The following COL4A5 variants were observed in gnomAD, a reference collection of about 807,000 sequenced individuals.
COL4A5 encodes the protein collagen alpha-5(IV) chain.
COL4A5 carries 26 observed loss-of-function variants against 130.2 expected under a neutral mutation model. The ratio of observed to expected loss-of-function variants is 0.20; its 90% CI spans 0.15 to 0.28. The LOEUF (loss-of-function observed/expected upper bound fraction) is 0.28. Among genes scored for constraint, COL4A5 ranks in the 10% least tolerant of loss-of-function variants. The probability of loss-of-function intolerance (pLI) is 1.00; values close to 1 mark genes in which losing one functional copy is unlikely to be tolerated. For synonymous variants in COL4A5, 496 were observed against 439.6 expected, an observed-to-expected ratio of 1.13 and a Z score of -1.60; for missense variants, 1,131 against 1,344.3, an observed-to-expected ratio of 0.84 and a Z score of 2.48.
chrX:108,624,194 A>G, intron 33 of COL4A5, 42 bp from the exon 34 acceptor site: 1 of 1,060,105 alleles, frequency 9.4e-7, no homozygotes, highest in Non-Finnish European at 1.3e-6. Flanking sequence ...TCATGGATGA[A>G]TAATATCATC....
chrX:108,662,235 G>A (rs1253939336), intron 37 of COL4A5, among the ~76,000 whole-genome samples: 2 of 109,467 alleles, frequency 1.8e-5, no homozygotes, highest in Non-Finnish European at 3.8e-5. Flanking sequence ...CATGTCCTTT[G>A]TAGGGACATG....
chrX:108,560,388 T>C (rs908294368), intron 3 of COL4A5, among the ~76,000 whole-genome samples: 2 of 112,755 alleles, frequency 1.8e-5, no homozygotes, highest in African/African-American at 6.4e-5. Flanking sequence ...AAGGGCTATA[T>C]GGTTAGCTAA....
At position 108,498,890 on chromosome X, in the gene COL4A5, A is replaced by G. The variant is rs185022009; in HGVS notation, c.82-40856A>G. On this transcript the variant is annotated intron_variant, in intron 1 of 52. Transcript: ENST00000328300. Reference sequence around the variant, plus strand: ...TACAAAATTTACTTGTTTAAATTTTATGGCTTTTTAAAGATTACTTAGAAG... The same window carrying G: ...TACAAAATTTACTTGTTTAAATTTTGTGGCTTTTTAAAGATTACTTAGAAG... Among the ~76,000 whole-genome samples, 232 of 111,399 alleles carry G rather than the reference A, an allele frequency of 2.1e-3. 1 individual carries two copies. The highest frequency in any genetic ancestry group is 3.4e-3 in the Non-Finnish European group (180 of 52,870).
intron 36 of COL4A5, among the ~76,000 whole-genome samples, chrX:108,634,126 C>G (rs186564106): frequency 9.1e-6 from 1 of 109,784 alleles, no homozygotes; most frequent in Non-Finnish European, 1.9e-5. Context: ...TGTGTCACCT[C>G]CTTGTCTCCC....
At chrX:108,501,235 G>A (rs1474171270) in intron 1 of COL4A5, among the ~76,000 whole-genome samples, 1 of 111,531 alleles carries the variant, frequency 9.0e-6, no homozygotes, top group Non-Finnish European at 1.9e-5. Context: ...ATTATCTAGT[G>A]TATAAGGCTG....
chrX:108,666,252 C>T (rs1161399442), intron 38 of COL4A5, among the ~76,000 whole-genome samples: 1 of 111,337 alleles, frequency 9.0e-6, no homozygotes, highest in Non-Finnish European at 1.9e-5. Flanking sequence ...TCCCCACCAC[C>T]CTTCGCACCT....
intron 4 of COL4A5, among the ~76,000 whole-genome samples, chrX:108,564,505 AT>A (rs2065941866): frequency 8.9e-6 from 1 of 112,284 alleles, no homozygotes; most frequent in Non-Finnish European, 1.9e-5. Context: ...TGAAATGTAC[AT>A]TTAGTATAAT....
At chrX:108,624,408 A>T in intron 34 of COL4A5, 74 bp downstream of exon 34, 1 of 810,231 alleles carries the variant, frequency 1.2e-6, no homozygotes, top group Non-Finnish European at 1.8e-6. Flanking sequence ...TGTGTTTGTC[A>T]TGTTTGAAGA....
intron 1 of COL4A5, among the ~76,000 whole-genome samples, chrX:108,525,136 T>C (rs58556062): frequency 0.092 from 10,263 of 111,491 alleles, 1,079 homozygotes; most frequent in African/African-American, 0.3. Context: ...CTTACTTTGA[T>C]TCAGCCAGTT....
chrX:108,558,432 A>G (rs1421066290), intron 2 of COL4A5, among the ~76,000 whole-genome samples: 3 of 110,852 alleles, frequency 2.7e-5, no homozygotes, highest in Non-Finnish European at 5.7e-5. Flanking sequence ...CTGATAAGAT[A>G]TGATGGGTCC....
chrX:108,593,217 G>A (rs2147801617), intron 21 of COL4A5, among the ~76,000 whole-genome samples: 1 of 111,206 alleles, frequency 9.0e-6, no homozygotes, highest in East Asian at 2.8e-4. Context: ...TTAGGTGTAG[G>A]TTTTGTTTCA....
intron 36 of COL4A5, among the ~76,000 whole-genome samples, chrX:108,633,009 G>A (rs976114221): frequency 1.8e-5 from 2 of 111,424 alleles, no homozygotes; most frequent in African/African-American, 6.5e-5. Context: ...GAAATAAAGG[G>A]TATTCAGTTA....
chrX:108,531,962 A>G (rs774577384), intron 1 of COL4A5, among the ~76,000 whole-genome samples: 22 of 111,674 alleles, frequency 2.0e-4, no homozygotes, highest in African/African-American at 6.8e-4. Flanking sequence ...CCCTACGAAG[A>G]AAAGCCCAGG....
intron 43 of COL4A5, 115 bp downstream of exon 43, chrX:108,674,868 T>A (rs1259506061): frequency 3.5e-5 from 25 of 705,404 alleles, no homozygotes; most frequent in Non-Finnish European, 4.9e-5. Flanking sequence ...AGTGCTGTTA[T>A]CCTCAAGCTG....
At chrX:108,540,057 T>C (rs2065513372) in intron 2 of COL4A5, among the ~76,000 whole-genome samples, 1 of 111,880 alleles carries the variant, frequency 8.9e-6, no homozygotes, top group South Asian at 3.7e-4. Context: ...CATATTCTTA[T>C]TTATATAAAT....
Position 108,677,529 on chromosome X carries a change from C to A in COL4A5, c.3838C>A (p.Leu1280Ile). Residue 1280 changes from leucine (L) to isoleucine (I), a missense_variant, in exon 44 of 53, where the codon CTC (leucine) becomes ATC (isoleucine). Physicochemically the swap from Leu to Ile is conservative, Grantham distance 5 (BLOSUM62 2). Transcript: ENST00000328300. ...ACCAGGTCCAGAAGGTCCTCCAGGTCTCCCTGGAAATGGAGGTATTAAAGG... is the reference window on the plus strand; with the variant it reads ...ACCAGGTCCAGAAGGTCCTCCAGGTATCCCTGGAAATGGAGGTATTAAAGG... ...GLPGPEGPPG[L>I]PGNGGIKGEK... 8.3e-7 allele frequency: 1 copy of A among 1,207,918 alleles called. No individual in the cohort carries two copies. The highest frequency in any genetic ancestry group is 2.3e-4 in the Middle Eastern group (1 of 4,320).
intron 36 of COL4A5, among the ~76,000 whole-genome samples, chrX:108,646,532 C>A (rs1374986330): frequency 1.8e-5 from 2 of 110,711 alleles, no homozygotes; most frequent in Non-Finnish European, 3.8e-5. Context: ...CTGTAGGTTG[C>A]CTGTTCACTC....
intron 37 of COL4A5, among the ~76,000 whole-genome samples, chrX:108,659,109 C>T (rs1183788193): frequency 9.0e-6 from 1 of 111,000 alleles, no homozygotes; most frequent in Non-Finnish European, 1.9e-5. Context: ...TTTGATCATT[C>T]GGTTTAAGAT....
intron 6 of COL4A5, 42 bp from the exon 7 acceptor site, chrX:108,571,371 G>C (rs1327559892): frequency 1.0e-6 from 1 of 1,000,426 alleles, no homozygotes. Context: ...GTTATTCTTT[G>C]TTTCTTGTTC....
Sources: allele counts gnomAD v4.1 joint callset (sites outside exome capture counted in the v4.1 genomes callset), GRCh38; gene constraint gnomAD v4.1.1; transcripts MANE v1.5; gene names NCBI Gene and HGNC (gene_info 2026-07-23, HGNC 2026-07-21).